The following NFIB variants were observed in gnomAD, a reference collection of about 807,000 sequenced individuals.
NFIB encodes the protein nuclear factor 1 B-type.
In NFIB, 11 loss-of-function variants were observed where a neutral mutation model predicts 61.5. The ratio of observed to expected loss-of-function variants is 0.18; its 90% CI spans 0.11 to 0.30. The LOEUF (loss-of-function observed/expected upper bound fraction) is 0.30. Ranked by LOEUF, NFIB falls within the 10% of genes least tolerant of loss-of-function variation. The pLI, the probability that NFIB is intolerant of heterozygous loss-of-function variation, is 1.00. For missense variants in NFIB, 471 were observed against 608.9 expected (o/e 0.77, Z 2.38); for synonymous variants, 260 against 216.5 (o/e 1.20, Z -1.76).
At chr9:14,248,857 T>C (rs2055247914) in intron 2 of NFIB, among the ~76,000 whole-genome samples, 1 of 152,138 alleles carries the variant, frequency 6.6e-6, no homozygotes, top group African/African-American at 2.4e-5. Context: ...GCCTTCACTG[T>C]GGAAAGAGAC....
chr9:14,089,123 T>C (rs1310289844), intron 10 of NFIB, among the ~76,000 whole-genome samples: 1 of 152,094 alleles, frequency 6.6e-6, no homozygotes, highest in African/African-American at 2.4e-5. Context: ...AACTTACTTT[T>C]AGAGAGAGCC....
intron 1 of NFIB, among the ~76,000 whole-genome samples, chr9:14,379,150 C>G (rs1292177336): frequency 2.0e-5 from 3 of 152,176 alleles, no homozygotes; most frequent in Non-Finnish European, 4.4e-5. Context: ...ATCTCTCTTT[C>G]TACATTTATT....
the NFIB span, among the ~76,000 whole-genome samples, chr9:14,504,957 T>A: frequency 1.3e-5 from 2 of 152,242 alleles, no homozygotes; most frequent in African/African-American, 4.8e-5. Context: ...CATACAATTT[T>A]GGCTGTGGGT....
chr9:14,167,109 C>G (rs1001830896), intron 3 of NFIB, among the ~76,000 whole-genome samples: 1 of 140,914 alleles, frequency 7.1e-6, no homozygotes, highest in Non-Finnish European at 1.5e-5. Flanking sequence ...CCCTTTTTAA[C>G]ATATTCAGTA....
At chr9:14,122,982 C>T (rs1252278988) in intron 7 of NFIB, among the ~76,000 whole-genome samples, 2 of 152,094 alleles carry the variant, frequency 1.3e-5, no homozygotes, top group Non-Finnish European at 2.9e-5. Context: ...GGCATGGTGG[C>T]TCACGGCTGT....
intron 7 of NFIB, among the ~76,000 whole-genome samples, chr9:14,122,443 A>G (rs1272594416): frequency 6.6e-6 from 1 of 152,196 alleles, no homozygotes; most frequent in African/African-American, 2.4e-5. Flanking sequence ...ATTTTAAATA[A>G]GTGTCCATGT....
At chr9:14,244,482 C>T (rs1190150167) in intron 2 of NFIB, among the ~76,000 whole-genome samples, 1 of 152,164 alleles carries the variant, frequency 6.6e-6, no homozygotes, top group African/African-American at 2.4e-5. Context: ...GAAAGAATTA[C>T]ATTTCTTCTG....
chr9:14,442,229 C>G, the NFIB span, among the ~76,000 whole-genome samples: 1 of 152,004 alleles, frequency 6.6e-6, no homozygotes, highest in Admixed American at 6.6e-5. Flanking sequence ...GTGCTGGGCC[C>G]CATGTGTGAA....
intron 1 of NFIB, among the ~76,000 whole-genome samples, chr9:14,356,783 T>C (rs1421376413): frequency 2.0e-5 from 3 of 152,196 alleles, no homozygotes; most frequent in African/African-American, 4.8e-5. Flanking sequence ...TTCAGTTTTA[T>C]AGTGCATGCC....
At chr9:14,216,947 T>C (rs1272467021) in intron 2 of NFIB, among the ~76,000 whole-genome samples, 1 of 152,220 alleles carries the variant, frequency 6.6e-6, no homozygotes, top group Non-Finnish European at 1.5e-5. Context: ...CAGCTATCCA[T>C]ATCCATCTTC....
At chr9:14,394,054 A>T (rs1011236456) in intron 1 of NFIB, among the ~76,000 whole-genome samples, 7 of 152,216 alleles carry the variant, frequency 4.6e-5, no homozygotes, top group Non-Finnish European at 7.3e-5. Flanking sequence ...GTATTAACTT[A>T]TCCATCCTAC....
intron 1 of NFIB, among the ~76,000 whole-genome samples, chr9:14,337,311 A>G (rs1042210780): frequency 1.3e-5 from 2 of 152,278 alleles, no homozygotes; most frequent in Admixed American, 6.5e-5. Flanking sequence ...CGGTTGAAAG[A>G]AAGAAGCAAG....
intron 2 of NFIB, among the ~76,000 whole-genome samples, chr9:14,184,012 T>C (rs1016371420): frequency 6.6e-6 from 1 of 152,232 alleles, no homozygotes; most frequent in Non-Finnish European, 1.5e-5. Flanking sequence ...TTCACATTCA[T>C]GCACGACCCT....
At chr9:14,150,051 T>C in intron 5 of NFIB, 94 bp downstream of exon 5, 1 of 1,508,272 alleles carries the variant, frequency 6.6e-7, no homozygotes, top group Non-Finnish European at 8.9e-7. Flanking sequence ...ATTTCCCATC[T>C]CTCTTTACCT....
intron 7 of NFIB, among the ~76,000 whole-genome samples, chr9:14,121,754 C>T (rs1310940912): frequency 6.6e-6 from 1 of 151,998 alleles, no homozygotes; most frequent in African/African-American, 2.4e-5. Flanking sequence ...ACCCATATAT[C>T]ACATATTTTA....
At chr9:14,148,736 G>A (rs147059192) in intron 5 of NFIB, among the ~76,000 whole-genome samples, 1 of 152,240 alleles carries the variant, frequency 6.6e-6, no homozygotes, top group East Asian at 1.9e-4. Context: ...GTATATGCCT[G>A]AGTACATTTG....
At chr9:14,099,643 C>CT (rs1390899411) in intron 10 of NFIB, among the ~76,000 whole-genome samples, 1 of 152,230 alleles carries the variant, frequency 6.6e-6, no homozygotes, top group Admixed American at 6.5e-5. Context: ...ATTTTAAGAA[C>CT]TGTCAGCATT....
At chr9:14,468,890 T>C in the NFIB span, among the ~76,000 whole-genome samples, 2 of 152,202 alleles carry the variant, frequency 1.3e-5, no homozygotes, top group Admixed American at 6.5e-5. Flanking sequence ...AGACCACCAT[T>C]TGGAATAAAA....
At chr9:14,387,984 T>A (rs1374750375) in intron 1 of NFIB, among the ~76,000 whole-genome samples, 2 of 152,186 alleles carry the variant, frequency 1.3e-5, no homozygotes, top group Admixed American at 1.3e-4. Context: ...CTATACAGAA[T>A]TGTATATAAG....
Sources: allele counts gnomAD v4.1 joint callset (sites outside exome capture counted in the v4.1 genomes callset), GRCh38; gene constraint gnomAD v4.1.1; transcripts MANE v1.5; gene names NCBI Gene and HGNC (gene_info 2026-07-23, HGNC 2026-07-21).